Variants in SND1 observed in about 807,000 individuals in gnomAD.
SND1 encodes the protein staphylococcal nuclease domain-containing protein 1.
Under a neutral mutation model 121.7 loss-of-function variants are expected in SND1, and 38 were observed. That is an observed-to-expected ratio of 0.31 (90% CI 0.24 to 0.41). The LOEUF (loss-of-function observed/expected upper bound fraction) is 0.41. Among genes scored for constraint, SND1 ranks in the 10% least tolerant of loss-of-function variants. The pLI, the probability that SND1 is intolerant of heterozygous loss-of-function variation, is 1.00. For synonymous variants in SND1, 401 were observed against 447.4 expected, an observed-to-expected ratio of 0.90 and a Z score of 1.31; for missense variants, 868 against 1,184.6, an observed-to-expected ratio of 0.73 and a Z score of 3.92.
At chr7:127,657,988 C>T (rs1465258294) in intron 1 of SND1, among the ~76,000 whole-genome samples, 1 of 152,104 alleles carries the variant, frequency 6.6e-6, no homozygotes, top group Non-Finnish European at 1.5e-5. Context: ...ACATTAAGTA[C>T]ACTGAATAAA....
At chr7:127,904,057 G>A (rs960746570) in intron 13 of SND1, among the ~76,000 whole-genome samples, 2 of 152,120 alleles carry the variant, frequency 1.3e-5, no homozygotes, top group African/African-American at 2.4e-5. Context: ...ACCAGTGATC[G>A]TACCTAGTGA....
intron 10 of SND1, among the ~76,000 whole-genome samples, chr7:127,733,085 TTCTC>T (rs780616954): frequency 2.6e-5 from 4 of 152,126 alleles, no homozygotes; most frequent in East Asian, 1.9e-4. Context: ...ATCTTTAACT[TTCTC>T]TCTCTCTCTT....
chr7:127,782,643 A>G (rs1797743708), intron 10 of SND1, among the ~76,000 whole-genome samples: 1 of 152,178 alleles, frequency 6.6e-6, no homozygotes. Flanking sequence ...TTAAAGTTGT[A>G]TGGAAGTTAA....
chr7:127,804,853 C>T (rs948294027), intron 10 of SND1, among the ~76,000 whole-genome samples: 2 of 152,116 alleles, frequency 1.3e-5, no homozygotes, highest in Admixed American at 1.3e-4. Context: ...AAAATGTTCA[C>T]TTAGTCTTTA....
intron 12 of SND1, among the ~76,000 whole-genome samples, chr7:127,859,621 T>C (rs1284502600): frequency 6.6e-6 from 1 of 152,222 alleles, no homozygotes; most frequent in Non-Finnish European, 1.5e-5. Context: ...GCTGAAGTTT[T>C]CTGTCTGGGT....
intron 10 of SND1, among the ~76,000 whole-genome samples, chr7:127,761,044 A>G (rs544644276): frequency 1.1e-4 from 16 of 152,340 alleles, no homozygotes; most frequent in African/African-American, 1.9e-4. Context: ...CTCCATATAT[A>G]CCTTAACTAG....
At chr7:127,729,232 G>C (rs939939097) in intron 10 of SND1, among the ~76,000 whole-genome samples, 4 of 151,874 alleles carry the variant, frequency 2.6e-5, no homozygotes, top group Non-Finnish European at 4.4e-5. Flanking sequence ...TAGTAGTTCA[G>C]GTATCTTGAT....
chr7:127,973,413 T>A (rs1802044894), intron 15 of SND1, among the ~76,000 whole-genome samples: 1 of 152,088 alleles, frequency 6.6e-6, no homozygotes, highest in African/African-American at 2.4e-5. Flanking sequence ...CATTGTGATG[T>A]TCGGAGGCTT....
At chr7:127,750,348 A>G (rs552149425) in intron 10 of SND1, among the ~76,000 whole-genome samples, 1 of 152,292 alleles carries the variant, frequency 6.6e-6, no homozygotes, top group Admixed American at 6.5e-5. Context: ...CACTGGTTGG[A>G]ATGCTGAGGA....
chr7:127,988,904 A>C (rs2116913501), intron 15 of SND1, among the ~76,000 whole-genome samples: 1 of 152,376 alleles, frequency 6.6e-6, no homozygotes, highest in South Asian at 2.1e-4. Flanking sequence ...TGTTTCTGCA[A>C]CAATGCTTTT....
At chr7:127,784,706 G>A (rs946659014) in intron 10 of SND1, among the ~76,000 whole-genome samples, 3 of 152,160 alleles carry the variant, frequency 2.0e-5, no homozygotes, top group Non-Finnish European at 4.4e-5. Context: ...TGAGCCTCTT[G>A]TGTACGTAGT....
intron 16 of SND1, among the ~76,000 whole-genome samples, chr7:128,074,110 G>A (rs1349124602): frequency 1.3e-5 from 2 of 152,208 alleles, no homozygotes; most frequent in Non-Finnish European, 2.9e-5. Flanking sequence ...CCCAGGGGTT[G>A]CCTCGCTCCC....
Position 127,935,277 on chromosome 7 carries a change from C to T in SND1, c.1669+5948C>T, listed in dbSNP as rs114189205. On this transcript the variant is annotated intron_variant, in intron 15 of 23. Coordinates refer to ENST00000354725, the MANE Select transcript of SND1 (RefSeq NM_014390.4). The stretch of plus-strand genomic sequence containing the variant: ...AAGCCAAAGGGTGAAGGTAACATTC[C>T]GAGGATGTCAGCATCTTGTGCGCTT... Among the ~76,000 whole-genome samples, 958 of 152,194 alleles carry T rather than the reference C, an allele frequency of 6.3e-3. 11 individuals are homozygous for T. The highest frequency in any genetic ancestry group is 0.022 in the African/African-American group (906 of 41,508).
In SND1 at chr7:127,672,865, T is replaced by C. The variant is rs146185077; in HGVS notation, c.79-13748T>C. Among the ~76,000 whole-genome samples, 172 of 152,164 alleles carry C rather than the reference T, an allele frequency of 1.1e-3. 1 individual carries two copies. Among genetic ancestry groups the C allele is most frequent in the Non-Finnish European group, 2.1e-3 (146 of 67,996 alleles). On this transcript the variant is annotated intron_variant, in intron 1 of 23. Coordinates refer to ENST00000354725, the MANE Select transcript of SND1 (RefSeq NM_014390.4). ...GCTTCCTTATGATTGAATTTAAGACTGTAATTTTGGCAGAAATACCACATA... is the reference window on the plus strand; with the variant it reads ...GCTTCCTTATGATTGAATTTAAGACCGTAATTTTGGCAGAAATACCACATA...
chr7:128,085,844 A>G lies in SND1; in HGVS notation c.2304+64A>G, dbSNP rs1438405460. On this transcript the variant is annotated intron_variant, in intron 20 of 23. Coordinates refer to ENST00000354725, the MANE Select transcript of SND1 (RefSeq NM_014390.4). This position sits in a 1 kb window ranked among gnomAD's most constrained non-coding sequence, Gnocchi z 4.4. ...ACACAGCAGCCCCCGAGTCAAATCC[A>G]TCTGATCTCTCCAAGGTCCCTCTGA... is the stretch of plus-strand genomic sequence containing the variant. 5 of 1,356,902 alleles carry G rather than the reference A, an allele frequency of 3.7e-6. No homozygotes were observed. Among genetic ancestry groups the G allele is most frequent in the Non-Finnish European group, 5.3e-6 (5 of 947,018 alleles). The allele number at this position is 1,356,902 out of a possible 1,614,324, so 84.1% of individuals were successfully genotyped here.
chr7:127,692,431 T>C (rs1795937558), intron 2 of SND1: 1 of 152,254 alleles, frequency 6.6e-6, no homozygotes, highest in Non-Finnish European at 1.5e-5. Flanking sequence ...TTCTGGCCCT[T>C]ATTTGAATAA....
At chr7:127,899,295 CA>C (rs1800181739) in intron 13 of SND1, among the ~76,000 whole-genome samples, 1 of 152,016 alleles carries the variant, frequency 6.6e-6, no homozygotes, top group Non-Finnish European at 1.5e-5. Flanking sequence ...CACACACACA[CA>C]CACATTATAC....
intron 16 of SND1, among the ~76,000 whole-genome samples, chr7:128,039,286 C>T (rs990329407): frequency 6.6e-6 from 1 of 152,206 alleles, no homozygotes; most frequent in African/African-American, 2.4e-5. Flanking sequence ...GTCTATTGTG[C>T]ATCCCCACAA....
chr7:127,702,575 T>G (rs200343166), intron 6 of SND1, 49 bp downstream of exon 6: 3 of 1,433,932 alleles, frequency 2.1e-6, no homozygotes, highest in Non-Finnish European at 3.0e-6. Flanking sequence ...GTGTGGATGT[T>G]CAGTGATGGA....
Sources: gnomAD v4.1 joint callset for allele counts (sites outside exome capture counted in the v4.1 genomes callset) on GRCh38, gnomAD v4.1.1 for gene constraint, Gnocchi (gnomAD v3.1) non-coding constraint, MANE v1.5 for transcripts, NCBI Gene and HGNC (gene_info 2026-07-23, HGNC 2026-07-21) for gene names.